ANKRD26: variants seen among roughly 807,000 people sequenced by gnomAD.
ANKRD26 encodes ankyrin repeat domain-containing protein 26.
ANKRD26 carries 141 observed loss-of-function variants against 208.7 expected under a neutral mutation model. That is an observed-to-expected ratio of 0.68 (90% CI 0.59 to 0.78). The LOEUF is 0.78. Among genes scored for constraint, ANKRD26 ranks in the 30% least tolerant of loss-of-function variants. The probability of loss-of-function intolerance (pLI) is 0.00; values close to 1 mark genes in which losing one functional copy is unlikely to be tolerated. For synonymous variants in ANKRD26, 636 were observed against 660.4 expected (o/e 0.96, Z 0.57); for missense variants, 1,889 against 1,938.7 (o/e 0.97, Z 0.48).
At chr10:27,086,857 C>T (rs993749548) in intron 4 of ANKRD26, among the ~76,000 whole-genome samples, 5 of 150,206 alleles carry the variant, frequency 3.3e-5, no homozygotes, top group East Asian at 2.0e-4. Flanking sequence ...CTGCAACCTC[C>T]GCCTCCCGGG....
At chr10:26,961,100 C>T in the ANKRD26 span, among the ~76,000 whole-genome samples, 1 of 151,664 alleles carries the variant, frequency 6.6e-6, no homozygotes, top group African/African-American at 2.4e-5. Context: ...GCCTGTAATC[C>T]CAGCTACTCA....
chr10:26,956,561 G>T, the ANKRD26 span, among the ~76,000 whole-genome samples: 1 of 152,100 alleles, frequency 6.6e-6, no homozygotes, highest in Non-Finnish European at 1.5e-5. Flanking sequence ...GAGCCCAGAA[G>T]GTTAAGGCTG....
At chr10:26,995,240 A>G in intron 4 of ANKRD26, 1 of 465,852 alleles carries the variant, frequency 2.1e-6, no homozygotes, top group Non-Finnish European at 4.4e-6. Flanking sequence ...ACCTATTGAC[A>G]GGTGTTGAGT....
At chr10:26,985,616 G>A (rs2052373886) in intron 3 of ANKRD26, among the ~76,000 whole-genome samples, 1 of 152,142 alleles carries the variant, frequency 6.6e-6, no homozygotes, top group Non-Finnish European at 1.5e-5. Flanking sequence ...GCTTTCAGTG[G>A]TGTCCAACTT....
At chr10:26,963,119 AATCAGCTCATTTCCAG>A in the ANKRD26 span, among the ~76,000 whole-genome samples, 2 of 152,188 alleles carry the variant, frequency 1.3e-5, no homozygotes, top group African/African-American at 4.8e-5. Context: ...TAATGATTAT[AATCAGCTCATTTCCAG>A]ATGGTTCTTT....
intron 5 of ANKRD26, among the ~76,000 whole-genome samples, chr10:26,979,149 G>A (rs1348033351): frequency 6.6e-6 from 1 of 152,112 alleles, no homozygotes; most frequent in Non-Finnish European, 1.5e-5. Flanking sequence ...GAACCCGGGA[G>A]GCGGAGCTTG....
At chr10:27,053,025 T>A (rs138580407) in intron 16 of ANKRD26, among the ~76,000 whole-genome samples, 21 of 152,302 alleles carry the variant, frequency 1.4e-4, no homozygotes, top group Non-Finnish European at 2.4e-4. Context: ...ATCTTTATCA[T>A]ATAAGGAAGT....
chr10:27,052,130 TA>T (rs2054683962), intron 16 of ANKRD26: 33 of 984,274 alleles, frequency 3.4e-5, no homozygotes, highest in Non-Finnish European at 4.0e-5. Flanking sequence ...TGCATGTTTT[TA>T]AAATAACTTT....
the ANKRD26 span, among the ~76,000 whole-genome samples, chr10:26,952,565 G>T: frequency 2.6e-4 from 40 of 152,122 alleles, no homozygotes; most frequent in African/African-American, 8.7e-4. Flanking sequence ...AACTGATACT[G>T]ATTGAACAAT....
chr10:27,065,725 CAAAAAACAAAAAA>C (rs949176874), intron 11 of ANKRD26, among the ~76,000 whole-genome samples: 41 of 87,184 alleles, frequency 4.7e-4, no homozygotes, highest in Non-Finnish European at 6.9e-4. Context: ...TCTAAGTTGT[CAAAAAACAAAAAA>C]AAAAAACAAA....
intron 18 of ANKRD26, among the ~76,000 whole-genome samples, chr10:27,045,803 CATT>C (rs112158800): frequency 0.011 from 1,717 of 152,238 alleles, 34 homozygotes; most frequent in African/African-American, 0.039. Context: ...TTAAGATCAT[CATT>C]GACACATTCA....
intron 1 of ANKRD26, among the ~76,000 whole-genome samples, chr10:27,096,251 T>C (rs1271551185): frequency 5.9e-5 from 9 of 151,792 alleles, no homozygotes; most frequent in Non-Finnish European, 1.0e-4. Context: ...CTCTGTAAAT[T>C]TGTCATAAAA....
chr10:27,039,551 T>C (rs746209025), intron 21 of ANKRD26, among the ~76,000 whole-genome samples: 1 of 151,968 alleles, frequency 6.6e-6, no homozygotes, highest in Non-Finnish European at 1.5e-5. Flanking sequence ...AATTTAAAAA[T>C]CTGGACCAAA....
chr10:27,051,008 C>A (rs2054635499), intron 16 of ANKRD26: 1 of 1,170,642 alleles, frequency 8.5e-7, no homozygotes. Context: ...CAGAATGGAT[C>A]AAATAATTGA....
chr10:27,060,431 G>C lies in ANKRD26; in HGVS notation c.1492-14C>G, dbSNP rs1354804258. On this transcript the variant is annotated splice_polypyrimidine_tract_variant and intron_variant, in intron 14 of 33. Coordinates refer to ENST00000376087, the MANE Select transcript of ANKRD26 (RefSeq NM_014915.3). ...TTCAATGGTAGGCTGAATGGGTTTTGAAACAAAATGATTAATAAATAATGT... is the reference window on the plus strand; with the variant it reads ...TTCAATGGTAGGCTGAATGGGTTTTCAAACAAAATGATTAATAAATAATGT... 1 of 1,596,674 alleles carries C rather than the reference G, an allele frequency of 6.3e-7. No individual in the cohort carries two copies. The highest frequency in any genetic ancestry group is 8.6e-7 in the Non-Finnish European group (1 of 1,164,510).
At chr10:26,957,815 T>TA in the ANKRD26 span, among the ~76,000 whole-genome samples, 1 of 152,188 alleles carries the variant, frequency 6.6e-6, no homozygotes, top group Non-Finnish European at 1.5e-5. Flanking sequence ...TGTTAACTAT[T>TA]ACAATTATTG....
the ANKRD26 span, among the ~76,000 whole-genome samples, chr10:26,962,607 G>A: frequency 6.6e-6 from 1 of 151,932 alleles, no homozygotes; most frequent in East Asian, 1.9e-4. Context: ...TATTAGCCAG[G>A]CATGGTGGCA....
intron 29 of ANKRD26, 22 bp downstream of exon 29, chr10:27,022,536 C>T (rs1473351728): frequency 6.8e-7 from 1 of 1,476,038 alleles, no homozygotes; most frequent in South Asian, 1.2e-5. Context: ...CTTTTTTGGT[C>T]CCAAAACTTA....
intron 29 of ANKRD26, among the ~76,000 whole-genome samples, chr10:27,021,038 T>C (rs1364114902): frequency 1.3e-5 from 2 of 152,206 alleles, no homozygotes; most frequent in Admixed American, 6.5e-5. Context: ...CTTGTTACTA[T>C]ACTGCAAAAT....
Sources: gnomAD v4.1 joint callset for allele counts (sites outside exome capture counted in the v4.1 genomes callset) on GRCh38, gnomAD v4.1.1 for gene constraint, MANE v1.5 for transcripts, NCBI Gene and HGNC (gene_info 2026-07-23, HGNC 2026-07-21) for gene names.